The following DIPK2B variants were observed in gnomAD, a reference collection of about 807,000 sequenced individuals.
DIPK2B encodes the protein divergent protein kinase domain 2B.
Under a neutral mutation model 22.2 loss-of-function variants are expected in DIPK2B, and 15 were observed. That is an observed-to-expected ratio of 0.68 (90% CI 0.45 to 1.04). The LOEUF is 1.04. Among genes scored for constraint, DIPK2B ranks in the 50% least tolerant of loss-of-function variants. DIPK2B has a pLI of 0.00. For synonymous variants in DIPK2B, 163 were observed against 153.2 expected (o/e 1.06, Z -0.47); for missense variants, 345 against 348.3 (o/e 0.99, Z 0.08).
chrX:45,181,052 G>C (rs1010234844), intron 2 of DIPK2B, among the ~76,000 whole-genome samples: 1 of 111,648 alleles, frequency 9.0e-6, no homozygotes, highest in Non-Finnish European at 1.9e-5. Context: ...ACAGAGACTA[G>C]GAGAATAAAA....
chrX:45,154,907 T>C (rs2046984703), intron 3 of DIPK2B, among the ~76,000 whole-genome samples: 1 of 111,231 alleles, frequency 9.0e-6, no homozygotes, highest in Non-Finnish European at 1.9e-5. Flanking sequence ...ACTCCTATGC[T>C]CAAGCAATTC....
chrX:45,177,237 G>T (rs1032618057), intron 2 of DIPK2B, among the ~76,000 whole-genome samples: 24 of 109,312 alleles, frequency 2.2e-4, no homozygotes, highest in Non-Finnish European at 3.0e-4. Flanking sequence ...AGTCTAGGAG[G>T]TCGAGGCTGC....
In DIPK2B at chrX:45,157,831, T is replaced by A. The variant is rs751530771; in HGVS notation, c.556A>T (p.Arg186Trp). ...GCGTCGGCCACCTCTGCATAGCGCC[T>A]GACCACGCGATCCAGGAGTCGCTGC... ...PSQRLLDRVVRRYAEVADAGS... is the reference protein window; with the variant it reads ...PSQRLLDRVVWRYAEVADAGS... The change falls in exon 3 of 5, where the codon AGG (arginine) becomes TGG (tryptophan). Residue 186 changes from arginine (R) to tryptophan (W), a missense_variant. Physicochemically the swap from Arg to Trp is moderately radical, Grantham distance 101 (BLOSUM62 -3). Coordinates refer to ENST00000398000, the MANE Select transcript of DIPK2B (RefSeq NM_176819.4). The A allele has an allele frequency of 8.5e-7, 1 of 1,170,891 alleles. No homozygotes were observed. Among genetic ancestry groups the A allele is most frequent in the Admixed American group, 2.5e-5 (1 of 39,415 alleles).
chrX:45,181,136 A>G (rs2047149182), intron 2 of DIPK2B, among the ~76,000 whole-genome samples: 1 of 111,952 alleles, frequency 8.9e-6, no homozygotes, highest in Non-Finnish European at 1.9e-5. Context: ...CATTTACAGT[A>G]ACATCAAAAA....
At chrX:45,168,050 C>T (rs2148338961) in intron 2 of DIPK2B, among the ~76,000 whole-genome samples, 1 of 112,785 alleles carries the variant, frequency 8.9e-6, no homozygotes, top group East Asian at 2.8e-4. Context: ...AACTCTCAGT[C>T]ATGTTTATAA....
At chrX:45,174,084 C>T (rs960303424) in intron 2 of DIPK2B, among the ~76,000 whole-genome samples, 6 of 111,366 alleles carry the variant, frequency 5.4e-5, no homozygotes, top group Non-Finnish European at 9.4e-5. Context: ...CCGCAAAGCC[C>T]GGAAAGGCCT....
At chrX:45,156,544 G>T (rs895086969) in intron 3 of DIPK2B, among the ~76,000 whole-genome samples, 3 of 111,934 alleles carry the variant, frequency 2.7e-5, no homozygotes, top group African/African-American at 9.7e-5. Context: ...GGCCAATGTC[G>T]CCAGGCAGGT....
chrX:45,179,233 C>G (rs1051042007), intron 2 of DIPK2B, among the ~76,000 whole-genome samples: 1 of 111,262 alleles, frequency 9.0e-6, no homozygotes, highest in Admixed American at 9.7e-5. Flanking sequence ...CTTGAGATTG[C>G]AAAATCCAGG....
At chrX:45,155,362 G>T (rs1390408171) in intron 3 of DIPK2B, among the ~76,000 whole-genome samples, 1 of 109,392 alleles carries the variant, frequency 9.1e-6, no homozygotes. Flanking sequence ...GGTGGAGGCT[G>T]CAGTGAGCCG....
At chrX:45,185,018 A>G (rs963266471) in intron 2 of DIPK2B, among the ~76,000 whole-genome samples, 3 of 111,834 alleles carry the variant, frequency 2.7e-5, no homozygotes, top group Non-Finnish European at 5.6e-5. Context: ...TAAAAAATGT[A>G]TTGAGGGGTT....
Position 45,157,874 on chromosome X carries a change from C to T in DIPK2B, c.513G>A (p.Pro171=). Reference sequence around the variant, plus strand: ...GTCGCTGCGAAGGGCAGCGCAGGAGCGGGCTGGCCAGGCCCTACGCGCAGG... The same window carrying T: ...GTCGCTGCGAAGGGCAGCGCAGGAGTGGGCTGGCCAGGCCCTACGCGCAGG... ...TPDLVQGLAS[P]LLRCPSQRLL... is the part of the protein sequence containing the mutation. The change falls in exon 3 of 5, where the codon CCG becomes CCA. Residue 171 remains proline (P), a synonymous_variant. Transcript: ENST00000398000. 8.9e-7 allele frequency: 1 copy of T among 1,124,599 alleles called. No homozygotes were observed. The allele number at this position is 1,124,599 out of a possible 1,213,427, so 92.7% of individuals were successfully genotyped here. A position where few individuals can be genotyped will look rare whatever the true frequency, so the allele number is the denominator to read the frequency against.
chrX:45,165,337 G>A (rs1183962242), intron 2 of DIPK2B, among the ~76,000 whole-genome samples: 1 of 111,705 alleles, frequency 9.0e-6, no homozygotes, highest in Admixed American at 9.5e-5. Context: ...CACTGTAATA[G>A]GGGTGCTCCA....
chrX:45,155,943 C>T (rs1057073341), intron 3 of DIPK2B, among the ~76,000 whole-genome samples: 3 of 105,013 alleles, frequency 2.9e-5, no homozygotes, highest in East Asian at 6.0e-4. Flanking sequence ...TTGAGTTTCC[C>T]CTGCCTAAAG....
chrX:45,189,705 G>A (rs1331219977), intron 2 of DIPK2B, among the ~76,000 whole-genome samples: 4 of 111,639 alleles, frequency 3.6e-5, no homozygotes, highest in South Asian at 3.8e-4. Flanking sequence ...CCCTGGGCCC[G>A]CTGTGGAATC....
At chrX:45,196,427 A>C (rs2047239638) in intron 1 of DIPK2B, among the ~76,000 whole-genome samples, 1 of 111,785 alleles carries the variant, frequency 8.9e-6, no homozygotes, top group African/African-American at 3.3e-5. Flanking sequence ...TAAGACAGTA[A>C]TTATTGTCAA....
intron 4 of DIPK2B, among the ~76,000 whole-genome samples, chrX:45,152,685 C>A (rs5952691): frequency 0.45 from 49,389 of 110,599 alleles, 8,017 homozygotes; most frequent in East Asian, 0.71. Context: ...AATCCCAGCC[C>A]TTTGGGAGGC....
In DIPK2B at chrX:45,166,512, A is replaced by G. The variant is rs1399233998; in HGVS notation, c.499-8624T>C. ...ATGACAGTGTCTTTTCTGAAACCTC[A>G]TGGGAATGGCATGGAAGATAATGTG... On this transcript the variant is annotated intron_variant, in intron 2 of 4. Coordinates refer to ENST00000398000, the MANE Select transcript of DIPK2B (RefSeq NM_176819.4). Among the ~76,000 whole-genome samples the G allele has an allele frequency of 2.7e-5, 3 of 111,103 alleles. No homozygotes were observed. The East Asian group carries it at 8.5e-4, about 32-fold the overall frequency.
intron 2 of DIPK2B, among the ~76,000 whole-genome samples, chrX:45,186,012 C>T (rs1014085502): frequency 1.8e-5 from 2 of 111,647 alleles, no homozygotes; most frequent in Non-Finnish European, 3.8e-5. Flanking sequence ...TTTGAGTGGG[C>T]ACAGTGGGTG....
intron 2 of DIPK2B, among the ~76,000 whole-genome samples, chrX:45,179,644 A>C (rs2047138112): frequency 9.0e-6 from 1 of 111,645 alleles, no homozygotes; most frequent in Non-Finnish European, 1.9e-5. Flanking sequence ...TACTGGGTTT[A>C]ACAGAAAACT....
Sources: allele counts gnomAD v4.1 joint callset (sites outside exome capture counted in the v4.1 genomes callset), GRCh38; gene constraint gnomAD v4.1.1; transcripts MANE v1.5; gene names NCBI Gene and HGNC (gene_info 2026-07-23, HGNC 2026-07-21).